RTN4IP1: variants seen among roughly 807,000 people sequenced by gnomAD.
RTN4IP1 encodes NAD(P)H oxidoreductase RTN4IP1, mitochondrial.
A neutral mutation model predicts 46.6 loss-of-function variants in RTN4IP1; 32 were observed. The observed-to-expected ratio is 0.69, with a 90% CI of 0.52 to 0.92. The LOEUF is 0.92. Ranked by LOEUF, RTN4IP1 falls within the 40% of genes least tolerant of loss-of-function variation. RTN4IP1 has a pLI of 0.00. For missense variants in RTN4IP1, 424 were observed against 485.8 expected (o/e 0.87, Z 1.20); for synonymous variants, 167 against 161.8 (o/e 1.03, Z -0.24).
chr6:106,577,086 C>T (rs1055352838), intron 8 of RTN4IP1, among the ~76,000 whole-genome samples: 1 of 152,166 alleles, frequency 6.6e-6, no homozygotes, highest in Admixed American at 6.5e-5. Flanking sequence ...AAGCTCCTAA[C>T]ATCAGAAGGC....
At chr6:106,627,771 T>TTC (rs1776685607) in intron 1 of RTN4IP1, among the ~76,000 whole-genome samples, 1 of 131,780 alleles carries the variant, frequency 7.6e-6, no homozygotes, top group South Asian at 2.4e-4. Flanking sequence ...TTTTTTTTTT[T>TTC]GAGATGGAGT....
At chr6:106,591,495 C>G (rs1775662032) in intron 6 of RTN4IP1, among the ~76,000 whole-genome samples, 1 of 151,932 alleles carries the variant, frequency 6.6e-6, no homozygotes, top group South Asian at 2.1e-4. Flanking sequence ...CTTCTGAAAA[C>G]TAATCAAAAA....
At chr6:106,589,474 T>C (rs1775594337) in intron 6 of RTN4IP1, among the ~76,000 whole-genome samples, 1 of 151,946 alleles carries the variant, frequency 6.6e-6, no homozygotes, top group African/African-American at 2.4e-5. Context: ...AATCTGAGGA[T>C]ACTTAACTTA....
intron 7 of RTN4IP1, among the ~76,000 whole-genome samples, chr6:106,587,173 T>C (rs1775507549): frequency 6.6e-6 from 1 of 152,236 alleles, no homozygotes; most frequent in African/African-American, 2.4e-5. Flanking sequence ...GAATCACTGG[T>C]CTATCCCAAT....
chr6:106,619,261 T>C lies in RTN4IP1; in HGVS notation c.561A>G (p.Thr187=), dbSNP rs1384023881. The C allele has an allele frequency of 6.2e-7, 1 of 1,614,236 alleles. No homozygotes were observed. Among genetic ancestry groups the C allele is most frequent in the East Asian group, 2.2e-5 (1 of 44,882 alleles). Residue 187 remains threonine (T), a synonymous_variant, in exon 4 of 9, where the codon ACA becomes ACG. Transcript: ENST00000369063. The stretch of plus-strand genomic sequence containing the variant: ...CAACTTTGTTTATAGCAGACCAGGC[T>C]GTGAGAGCCACATATGGCAAAGAGG... ...QAASLPYVAL[T]AWSAINKVGG...
intron 7 of RTN4IP1, among the ~76,000 whole-genome samples, chr6:106,585,552 G>C (rs1775462810): frequency 6.6e-6 from 1 of 152,182 alleles, no homozygotes; most frequent in African/African-American, 2.4e-5. Flanking sequence ...ACAGCATGTG[G>C]CTCTGTAAAG....
chr6:106,628,693 T>C (rs1310086355), intron 1 of RTN4IP1, 55 bp downstream of exon 1: 2 of 1,486,776 alleles, frequency 1.3e-6, no homozygotes, highest in South Asian at 1.3e-5. Context: ...TAAAACGGCA[T>C]ACCTTATGAA....
intron 6 of RTN4IP1, among the ~76,000 whole-genome samples, chr6:106,589,225 G>A (rs1366702636): frequency 0.064 from 64 of 994 alleles, 11 homozygotes; most frequent in Non-Finnish European, 0.09. Context: ...GAGGAGGAGG[G>A]AGGAGGAGGG....
rs916531401 is a variant in RTN4IP1 at position 106,571,390 on chromosome 6, G to C, written c.*606C>G. On this transcript the variant is annotated 3_prime_UTR_variant, in exon 9 of 9. Coordinates refer to ENST00000369063, the MANE Select transcript of RTN4IP1 (RefSeq NM_032730.5). ...GCCAACATCCATCTATACACTGAAA[G>C]TTTTAGTATTGTACATTAAGACGAT... The C allele has an allele frequency of 2.6e-5, 4 of 152,248 alleles. No individual in the cohort carries two copies. Among genetic ancestry groups the C allele is most frequent in the African/African-American group, 9.7e-5 (4 of 41,448 alleles). The allele number at this position is 152,248 out of a possible 1,614,324, so 9.4% of individuals were successfully genotyped here. A position where few individuals can be genotyped will look rare whatever the true frequency, so the allele number is the denominator to read the frequency against.
chr6:106,602,322 T>C (rs1562144289), intron 5 of RTN4IP1, among the ~76,000 whole-genome samples: 1 of 152,214 alleles, frequency 6.6e-6, no homozygotes, highest in African/African-American at 2.4e-5. Flanking sequence ...ACTGAATCTA[T>C]AAATCACTTC....
chr6:106,577,726 C>T (rs530567904), intron 8 of RTN4IP1, among the ~76,000 whole-genome samples: 1 of 152,142 alleles, frequency 6.6e-6, no homozygotes, highest in Admixed American at 6.5e-5. Flanking sequence ...TCCAAGTGGG[C>T]CCAGTGTAAT....
intron 2 of RTN4IP1, 138 bp downstream of exon 2, chr6:106,622,680 G>A (rs1776511886): frequency 2.4e-6 from 2 of 820,876 alleles, no homozygotes; most frequent in Non-Finnish European, 1.9e-6. Flanking sequence ...GGGGGCAGAT[G>A]CTGCAGATTC....
intron 5 of RTN4IP1, among the ~76,000 whole-genome samples, chr6:106,598,821 T>A (rs1775871360): frequency 6.6e-6 from 1 of 151,752 alleles, no homozygotes; most frequent in East Asian, 1.9e-4. Flanking sequence ...AGGGTTTTTA[T>A]GGTTTTAGGT....
At chr6:106,612,302 G>A (rs904542235) in intron 4 of RTN4IP1, among the ~76,000 whole-genome samples, 2 of 143,122 alleles carry the variant, frequency 1.4e-5, no homozygotes, top group Non-Finnish European at 3.0e-5. Context: ...CAGGAGAATC[G>A]TTTGAACCTG....
chr6:106,576,321 C>T (rs1305418768), intron 8 of RTN4IP1, among the ~76,000 whole-genome samples: 3 of 152,100 alleles, frequency 2.0e-5, no homozygotes, highest in Non-Finnish European at 4.4e-5. Context: ...AAGGACTTGT[C>T]CCTAGGTACC....
intron 4 of RTN4IP1, among the ~76,000 whole-genome samples, chr6:106,609,897 G>A (rs1428616982): frequency 1.3e-5 from 2 of 151,384 alleles, no homozygotes; most frequent in African/African-American, 4.8e-5. Context: ...CCACCTGATG[G>A]CGACCCCAAG....
rs201489990 is a variant in RTN4IP1 at position 106,592,153 on chromosome 6, C to T, written c.806+11G>A. On this transcript the variant is annotated intron_variant, in intron 6 of 8. Coordinates refer to ENST00000369063, the MANE Select transcript of RTN4IP1 (RefSeq NM_032730.5). ...TCCCACTCCCAGTGTGAACATTGTT[C>T]TAATACATACGGTTTTAAGGATTTC... 9.4e-4 allele frequency: 1,513 copies of T among 1,613,236 alleles called. No individual in the cohort carries two copies. Among genetic ancestry groups the T allele is most frequent in the Non-Finnish European group, 1.2e-3 (1,454 of 1,179,704 alleles).
At chr6:106,627,189 A>G (rs1335061256) in intron 1 of RTN4IP1, among the ~76,000 whole-genome samples, 2 of 152,120 alleles carry the variant, frequency 1.3e-5, no homozygotes, top group Non-Finnish European at 2.9e-5. Context: ...CATTCAAGTC[A>G]TAAAAAACTA....
chr6:106,572,598 G>A (rs1177340615), intron 8 of RTN4IP1, among the ~76,000 whole-genome samples: 3 of 152,120 alleles, frequency 2.0e-5, no homozygotes, highest in Non-Finnish European at 4.4e-5. Context: ...TTTGCAACGT[G>A]TTGTCCCTTT....
Sources: gnomAD v4.1 joint callset for allele counts (sites outside exome capture counted in the v4.1 genomes callset) on GRCh38, gnomAD v4.1.1 for gene constraint, MANE v1.5 for transcripts, NCBI Gene and HGNC (gene_info 2026-07-23, HGNC 2026-07-21) for gene names.